The following STK31 variants were observed in gnomAD, a reference collection of about 807,000 sequenced individuals.
STK31 encodes the protein serine/threonine kinase 31.
Under a neutral mutation model 129.7 loss-of-function variants are expected in STK31, and 89 were observed. The ratio of observed to expected loss-of-function variants is 0.69; its 90% CI spans 0.58 to 0.82. STK31 has a LOEUF of 0.82. STK31 is among the 40% of genes least tolerant of loss of function. STK31 has a pLI of 0.00. For missense variants in STK31, 1,187 were observed against 1,176.4 expected (o/e 1.01, Z -0.13); for synonymous variants, 448 against 395.3 (o/e 1.13, Z -1.58).
intron 16 of STK31, among the ~76,000 whole-genome samples, chr7:23,782,878 A>T (rs1487092536): frequency 6.6e-6 from 1 of 152,162 alleles, no homozygotes; most frequent in Non-Finnish European, 1.5e-5. Context: ...TTTAGTTTGG[A>T]AGTGGGTGAG....
intron 22 of STK31, chr7:23,811,342 T>C: frequency 2.5e-6 from 1 of 406,596 alleles, no homozygotes; most frequent in South Asian, 2.2e-5. Flanking sequence ...TTTCTGGTCT[T>C]CATTCTTCAA....
At position 23,788,000 on chromosome 7, in the gene STK31, A is replaced by G; in HGVS notation, c.2508A>G (p.Lys836=). 1 of 1,576,422 alleles carries G rather than the reference A, an allele frequency of 6.3e-7. No individual in the cohort carries two copies. Reference sequence around the variant, plus strand: ...TATAGGAAACTTTAAAGGTCATGAAAGGTGTTGCCCAGGGTCTGCATACAT... The same window carrying G: ...TATAGGAAACTTTAAAGGTCATGAAGGGTGTTGCCCAGGGTCTGCATACAT... The part of the protein sequence containing the change: ...LNSEETLKVM[K]GVAQGLHTLH... Residue 836 remains lysine (K), a synonymous_variant, in exon 21 of 24, where the codon AAA becomes AAG. Transcript: ENST00000355870.
At chr7:23,809,366 C>A (rs550658583) in intron 22 of STK31, among the ~76,000 whole-genome samples, 2 of 152,216 alleles carry the variant, frequency 1.3e-5, no homozygotes, top group Admixed American at 1.3e-4. Context: ...TTCATCAATT[C>A]TCCACTTAAA....
chr7:23,770,213 A>C (rs1790097297), intron 13 of STK31, among the ~76,000 whole-genome samples: 2 of 152,160 alleles, frequency 1.3e-5, no homozygotes, highest in South Asian at 4.1e-4. Context: ...GTGTCAAGGT[A>C]AAAATTAGTG....
chr7:23,825,904 T>C lies in STK31; in HGVS notation c.2830-6232T>C, dbSNP rs532208966. ...GTTGTTCAGTTTCCATGTAGTTGAGTGGTTTTGAGTGAGTTTCTTAATCCT... is the reference window on the plus strand; with the variant it reads ...GTTGTTCAGTTTCCATGTAGTTGAGCGGTTTTGAGTGAGTTTCTTAATCCT... On this transcript the variant is annotated intron_variant, in intron 23 of 23. Transcript: ENST00000355870. Among the ~76,000 whole-genome samples the C allele has an allele frequency of 1.7e-3, 266 of 152,094 alleles. 1 individual carries two copies. Among genetic ancestry groups the C allele is most frequent in the African/African-American group, 6.2e-3 (256 of 41,538 alleles).
At chr7:23,798,294 CA>C (rs1304550058) in intron 22 of STK31, among the ~76,000 whole-genome samples, 1 of 151,792 alleles carries the variant, frequency 6.6e-6, no homozygotes, top group African/African-American at 2.4e-5. Flanking sequence ...AGAGACACAA[CA>C]AAAAAAGAAA....
intron 8 of STK31, among the ~76,000 whole-genome samples, chr7:23,751,780 T>C (rs1294146673): frequency 4.6e-5 from 7 of 152,228 alleles, no homozygotes; most frequent in Admixed American, 3.3e-4. Context: ...TGGATCTTTT[T>C]GATGAATTGA....
intron 10 of STK31, among the ~76,000 whole-genome samples, chr7:23,762,348 TA>T (rs916329213): frequency 2.1e-4 from 32 of 152,038 alleles, no homozygotes; most frequent in African/African-American, 7.5e-4. Context: ...AGTGCTATAA[TA>T]AAGAAAATGC....
At chr7:23,762,641 GT>G (rs1175570012) in intron 10 of STK31, among the ~76,000 whole-genome samples, 159 bp from the exon 11 acceptor site, 1 of 152,102 alleles carries the variant, frequency 6.6e-6, no homozygotes, top group African/African-American at 2.4e-5. Context: ...GAGAAAGGAA[GT>G]TTTTTTGTCA....
chr7:23,763,789 T>A (rs550437294), intron 11 of STK31, among the ~76,000 whole-genome samples: 1 of 147,082 alleles, frequency 6.8e-6, no homozygotes, highest in African/African-American at 2.5e-5. Context: ...TCATTTGAAA[T>A]GTTTTCATTT....
chr7:23,722,375 A>T (rs957479792), intron 4 of STK31: 1 of 153,958 alleles, frequency 6.5e-6, no homozygotes, highest in Non-Finnish European at 1.4e-5. Context: ...TTGCCTGGGT[A>T]TCACCAGCGG....
At chr7:23,739,939 T>G (rs983943179) in intron 8 of STK31, among the ~76,000 whole-genome samples, 4 of 152,238 alleles carry the variant, frequency 2.6e-5, no homozygotes, top group East Asian at 3.9e-4. Flanking sequence ...TTTGCTTAGG[T>G]TTGTCTTGGC....
At chr7:23,794,157 A>C (rs1449503821) in intron 22 of STK31, among the ~76,000 whole-genome samples, 1 of 152,180 alleles carries the variant, frequency 6.6e-6, no homozygotes, top group Non-Finnish European at 1.5e-5. Flanking sequence ...TCTCCACCCA[A>C]ATCTCACATT....
At chr7:23,744,948 G>C (rs754800159) in intron 8 of STK31, among the ~76,000 whole-genome samples, 10 of 152,214 alleles carry the variant, frequency 6.6e-5, no homozygotes, top group Non-Finnish European at 1.2e-4. Context: ...TTGGGTGCTA[G>C]TAGCAGCAGT....
At chr7:23,727,552 A>ATTT in intron 5 of STK31, 1 of 250,754 alleles carries the variant, frequency 4.0e-6, no homozygotes, top group Non-Finnish European at 7.1e-6. Flanking sequence ...TTTTTACCTC[A>ATTT]GTTCTTTTTT....
chr7:23,751,675 G>A (rs1462160919), intron 8 of STK31, among the ~76,000 whole-genome samples: 34 of 152,046 alleles, frequency 2.2e-4, no homozygotes, highest in Admixed American at 2.2e-3. Context: ...AAATATTATT[G>A]TAGTTTTGTC....
At chr7:23,764,395 A>G (rs1253308152) in intron 11 of STK31, among the ~76,000 whole-genome samples, 1 of 152,158 alleles carries the variant, frequency 6.6e-6, no homozygotes, top group Non-Finnish European at 1.5e-5. Flanking sequence ...TCACCAAAAT[A>G]TTCTTTAAAC....
chr7:23,737,219 A>T lies in STK31; in HGVS notation c.1017+141A>T, dbSNP rs1787771678. On this transcript the variant is annotated intron_variant, in intron 8 of 23. Transcript: ENST00000355870. The stretch of plus-strand genomic sequence containing the variant: ...TAATCCCTGTATTTGTTTATAGGTG[A>T]ATTTTTTTTCATATACTCCAGACTA... The T allele has an allele frequency of 4.4e-6, 3 of 687,380 alleles. No homozygotes were observed. In the Admixed American group the frequency reaches 1.3e-4, roughly 29 times the overall value. 42.6% of individuals were successfully genotyped at this position (687,380 alleles called of 1,614,324 possible). A position where few individuals can be genotyped will look rare whatever the true frequency, so the allele number is the denominator to read the frequency against.
intron 8 of STK31, among the ~76,000 whole-genome samples, chr7:23,737,667 T>TC (rs2128081746): frequency 6.6e-6 from 1 of 152,330 alleles, no homozygotes; most frequent in South Asian, 2.1e-4. Flanking sequence ...TTTTCTCCAA[T>TC]CAGGATCCCA....
Sources: gnomAD v4.1 joint callset for allele counts (sites outside exome capture counted in the v4.1 genomes callset) on GRCh38, gnomAD v4.1.1 for gene constraint, MANE v1.5 for transcripts, NCBI Gene and HGNC (gene_info 2026-07-23, HGNC 2026-07-21) for gene names.